NAF1: variants seen among roughly 807,000 people sequenced by gnomAD.
The protein encoded by NAF1 is nuclear assembly factor 1 ribonucleoprotein.
Under a neutral mutation model 40.6 loss-of-function variants are expected in NAF1, and 11 were observed. The observed-to-expected ratio is 0.27, with a 90% confidence interval of 0.17 to 0.45. The LOEUF (loss-of-function observed/expected upper bound fraction) is 0.45, where lower values mean the gene tolerates loss of function less well. NAF1 is among the 20% of genes least tolerant of loss of function. The probability of loss-of-function intolerance (pLI) is 1.00; values close to 1 mark genes in which losing one functional copy is unlikely to be tolerated. For synonymous variants in NAF1, 260 were observed against 228.5 expected, an observed-to-expected ratio of 1.14 and a Z score of -1.24; for missense variants, 607 against 611.1, an observed-to-expected ratio of 0.99 and a Z score of 0.07.
At chr4:163,123,246 G>A (rs1481489581), downstream of NAF1, among the ~76,000 whole-genome samples, 1 of 152,134 alleles carries the variant, frequency 6.6e-6, no homozygotes, top group African/African-American at 2.4e-5. Flanking sequence ...CTAACAGAGT[G>A]AGAACTCACA....
chr4:163,138,849 T>C (rs1240334190), intron 5 of NAF1, among the ~76,000 whole-genome samples: 1 of 152,180 alleles, frequency 6.6e-6, no homozygotes, highest in South Asian at 2.1e-4. Flanking sequence ...AAGCTAAATA[T>C]ATGGCATATC....
At chr4:163,109,524 G>A (rs1375421346), downstream of NAF1, among the ~76,000 whole-genome samples, 1 of 152,032 alleles carries the variant, frequency 6.6e-6, no homozygotes, top group Non-Finnish European at 1.5e-5. Context: ...ATATTTCAAT[G>A]TCTAGGAAGA....
chr4:163,136,225 T>C (rs992948427), intron 6 of NAF1: 2 of 152,058 alleles, frequency 1.3e-5, no homozygotes, highest in Non-Finnish European at 2.9e-5. Flanking sequence ...TCCCAGCACT[T>C]TGGGGAGCCA....
At chr4:163,133,080 C>T in intron 7 of NAF1, 74 bp downstream of exon 7, 1 of 1,251,080 alleles carries the variant, frequency 8.0e-7, no homozygotes, top group Non-Finnish European at 1.1e-6. Context: ...ATGTTTCCTT[C>T]AGTTTTATTA....
chr4:163,146,051 T>C (rs575363683), intron 3 of NAF1, among the ~76,000 whole-genome samples, 187 bp from the exon 4 acceptor site: 3 of 152,280 alleles, frequency 2.0e-5, no homozygotes, highest in East Asian at 1.9e-4. Context: ...AATGTTTTTA[T>C]ACCTATTTTT....
In NAF1 at chr4:163,140,128, A is replaced by G. The variant is rs1304185496; in HGVS notation, c.878+95T>C. 20 of 989,214 alleles carry G rather than the reference A, an allele frequency of 2.0e-5. No homozygotes were observed. The Admixed American group carries it at 5.4e-4, about 27-fold the overall frequency. 61.3% of individuals were successfully genotyped at this position (989,214 alleles called of 1,614,324 possible). ...GATAAATGAACTCTTTGCAAGACAC[A>G]CACAATATAACTGTAAGAAATTACA... On this transcript the variant is annotated intron_variant, in intron 5 of 7. Transcript: ENST00000274054.
downstream of NAF1, among the ~76,000 whole-genome samples, chr4:163,124,525 A>T (rs3195782): frequency 0.26 from 39,887 of 152,068 alleles, 5,630 homozygotes; most frequent in African/African-American, 0.37. Context: ...AAATAGTTAT[A>T]CTTTATTGTT....
At chr4:163,164,853 G>C (rs1341503167) in intron 1 of NAF1, among the ~76,000 whole-genome samples, 1 of 152,154 alleles carries the variant, frequency 6.6e-6, no homozygotes, top group South Asian at 2.1e-4. Flanking sequence ...CCTCAGTTAC[G>C]AAAGTATGTA....
chr4:163,129,885 G>A (rs984457183), intron 7 of NAF1, among the ~76,000 whole-genome samples: 17 of 152,100 alleles, frequency 1.1e-4, no homozygotes, highest in African/African-American at 3.6e-4. Context: ...GTGATAACAA[G>A]GCCATCCTCC....
At chr4:163,114,224 T>C (rs1168941013) in intron 2 of NAF1, among the ~76,000 whole-genome samples, 2 of 152,224 alleles carry the variant, frequency 1.3e-5, no homozygotes, top group African/African-American at 4.8e-5. Context: ...GAGAGGTCTG[T>C]GGAATCTACT....
chr4:163,153,476 G>T (rs960732594), intron 2 of NAF1, among the ~76,000 whole-genome samples: 1 of 151,934 alleles, frequency 6.6e-6, no homozygotes, highest in Non-Finnish European at 1.5e-5. Flanking sequence ...TCTAGCTCAG[G>T]GATTGTAAAT....
chr4:163,129,384 A>G (rs200310997), intron 7 of NAF1, 36 bp from the exon 8 acceptor site: 777 of 1,537,760 alleles, frequency 5.1e-4, no homozygotes, highest in Non-Finnish European at 6.5e-4. Flanking sequence ...AAAAAGGAAA[A>G]TAAGTTTAAT....
chr4:163,108,228 C>G (rs1004074187), downstream of NAF1, among the ~76,000 whole-genome samples: 1 of 152,160 alleles, frequency 6.6e-6, no homozygotes, highest in African/African-American at 2.4e-5. Flanking sequence ...CAGCATTTTT[C>G]ACTGTAATTG....
chr4:163,145,101 A>G (rs932615374), intron 4 of NAF1, among the ~76,000 whole-genome samples: 16 of 152,212 alleles, frequency 1.1e-4, no homozygotes, highest in African/African-American at 3.1e-4. Flanking sequence ...CTTAGTATTT[A>G]CATTCTTGAT....
chr4:163,113,366 TC>T (rs1314276455), intron 2 of NAF1, among the ~76,000 whole-genome samples: 1 of 149,866 alleles, frequency 6.7e-6, no homozygotes, highest in African/African-American at 2.5e-5. Flanking sequence ...TCTATGGTAA[TC>T]CCTTGTTTTT....
intron 5 of NAF1, among the ~76,000 whole-genome samples, chr4:163,139,075 C>T (rs1344062610): frequency 6.6e-6 from 1 of 152,068 alleles, no homozygotes; most frequent in Admixed American, 6.5e-5. Flanking sequence ...AATCAATTAT[C>T]AGGATCAAAA....
chr4:163,130,430 C>T (rs1730827006), intron 7 of NAF1, among the ~76,000 whole-genome samples: 1 of 151,950 alleles, frequency 6.6e-6, no homozygotes, highest in African/African-American at 2.4e-5. Flanking sequence ...CTGAACATTA[C>T]AATAACCAAA....
intron 2 of NAF1, among the ~76,000 whole-genome samples, chr4:163,160,533 C>A (rs942041825): frequency 6.6e-6 from 1 of 152,084 alleles, no homozygotes; most frequent in Admixed American, 6.5e-5. Context: ...TCGCAGAGAT[C>A]GAACAACCCA....
At position 163,140,282 on chromosome 4, in the gene NAF1, C is replaced by T. The variant is rs768892882; in HGVS notation, c.819G>A (p.Met273Ile). The T allele has an allele frequency of 6.2e-7, 1 of 1,606,818 alleles. No homozygotes were observed. The highest frequency in any genetic ancestry group is 1.1e-5 in the South Asian group (1 of 89,724). Residue 273 changes from methionine (M) to isoleucine (I), a missense_variant, in exon 5 of 8, where the codon ATG (methionine) becomes ATA (isoleucine). Around this residue, in one of 3 missense-constraint regions of NAF1, gnomAD observed 407 missense variants for 365.5 expected, o/e 1.11. Transcript: ENST00000274054. The stretch of plus-strand genomic sequence containing the variant: ...AATCTTTCATTGATGGAGCAAAATA[C>T]ATAGTCTCCTTTATTTTAATACCTT... Reference protein sequence around the residue: ...ESKGIKIKETMYFAPSMKDFT... With the variant: ...ESKGIKIKETIYFAPSMKDFT...
Sources: gnomAD v4.1 joint callset for allele counts (sites outside exome capture counted in the v4.1 genomes callset) on GRCh38, gnomAD v4.1.1 for gene constraint, gnomAD v4.1.1 regional missense constraint, MANE v1.5 for transcripts, NCBI Gene and HGNC (gene_info 2026-07-23, HGNC 2026-07-21) for gene names.